Variants in ATXN8OS observed in about 807,000 individuals in gnomAD.
ATXN8OS encodes ATXN8 opposite strand lncRNA.
At chr13:70,140,618 G>A (rs575798428) in intron 3 of ATXN8OS, among the ~76,000 whole-genome samples, 1 of 151,172 alleles carries the variant, frequency 6.6e-6, no homozygotes, top group Non-Finnish European at 1.5e-5. Context: ...CTCATAGAAT[G>A]TCTTCACCCA....
intron 1 of ATXN8OS, among the ~76,000 whole-genome samples, chr13:70,112,618 G>C (rs934111132): frequency 6.6e-6 from 1 of 151,944 alleles, no homozygotes; most frequent in African/African-American, 2.4e-5. Flanking sequence ...ATCCCCAGGG[G>C]CCATTTTAAT....
chr13:70,138,086 C>A (rs1888643803), intron 3 of ATXN8OS, among the ~76,000 whole-genome samples: 1 of 152,192 alleles, frequency 6.6e-6, no homozygotes, highest in Non-Finnish European at 1.5e-5. Context: ...CACTTTCCAC[C>A]AAATCCCTCC....
intron 3 of ATXN8OS, among the ~76,000 whole-genome samples, chr13:70,142,360 A>G (rs1454500040): frequency 6.6e-6 from 1 of 152,198 alleles, no homozygotes; most frequent in East Asian, 1.9e-4. Context: ...ATTTGCATTT[A>G]AAATTGTTAT....
intron 4 of ATXN8OS, among the ~76,000 whole-genome samples, chr13:70,151,807 C>T (rs770850192): frequency 4.6e-5 from 7 of 152,112 alleles, no homozygotes; most frequent in East Asian, 1.9e-4. Flanking sequence ...AGAGTAATAA[C>T]GACCTGAATT....
chr13:70,161,588 C>T (rs1042772461), intron 4 of ATXN8OS, among the ~76,000 whole-genome samples: 4 of 152,004 alleles, frequency 2.6e-5, no homozygotes, highest in African/African-American at 9.7e-5. Flanking sequence ...CTTAACCCTG[C>T]TTTATTTTCC....
chr13:70,153,566 C>T (rs564094779), intron 4 of ATXN8OS, among the ~76,000 whole-genome samples: 2 of 152,106 alleles, frequency 1.3e-5, no homozygotes, highest in South Asian at 4.1e-4. Context: ...CAGTGAGAGA[C>T]TGCAAAAAAA....
At chr13:70,149,517 T>C (rs1392093315) in intron 4 of ATXN8OS, among the ~76,000 whole-genome samples, 1 of 152,116 alleles carries the variant, frequency 6.6e-6, no homozygotes, top group East Asian at 1.9e-4. Context: ...CCGAAGAAAC[T>C]GTTTCCTGGA....
intron 4 of ATXN8OS, among the ~76,000 whole-genome samples, chr13:70,165,891 G>A (rs1309727687): frequency 6.6e-6 from 1 of 151,958 alleles, no homozygotes; most frequent in South Asian, 2.1e-4. Context: ...ATGAATAATG[G>A]TGTCTGCAGT....
chr13:70,122,702 G>A (rs927879183), intron 2 of ATXN8OS, among the ~76,000 whole-genome samples: 5 of 151,908 alleles, frequency 3.3e-5, no homozygotes, highest in African/African-American at 4.8e-5. Context: ...TATGTAAAAC[G>A]TAATAGAATT....
intron 4 of ATXN8OS, among the ~76,000 whole-genome samples, chr13:70,147,999 G>A (rs1467496311): frequency 6.6e-6 from 1 of 152,146 alleles, no homozygotes; most frequent in East Asian, 1.9e-4. Flanking sequence ...ATTGGCAGTT[G>A]GTTGAAGGAG....
At chr13:70,131,247 ACTTCT>A (rs1298978550) in intron 3 of ATXN8OS, 1 of 396,564 alleles carries the variant, frequency 2.5e-6, no homozygotes, top group Non-Finnish European at 4.4e-6. Flanking sequence ...CAATTAATTT[ACTTCT>A]CTTCATTTCC....
intron 4 of ATXN8OS, among the ~76,000 whole-genome samples, chr13:70,159,035 T>C (rs961639917): frequency 5.3e-5 from 8 of 152,194 alleles, no homozygotes; most frequent in Non-Finnish European, 1.2e-4. Context: ...TATATATTTA[T>C]GCTTTATCCT....
At chr13:70,153,134 A>G (rs978134357) in intron 4 of ATXN8OS, among the ~76,000 whole-genome samples, 5 of 152,026 alleles carry the variant, frequency 3.3e-5, no homozygotes, top group African/African-American at 1.2e-4. Flanking sequence ...TTATGACAAT[A>G]TTTAAGTGAG....
intron 4 of ATXN8OS, among the ~76,000 whole-genome samples, chr13:70,150,637 A>C (rs1449773369): frequency 6.6e-6 from 1 of 152,050 alleles, no homozygotes; most frequent in African/African-American, 2.4e-5. Flanking sequence ...TTTGATGTAA[A>C]TACTCTAGTG....
intron 4 of ATXN8OS, among the ~76,000 whole-genome samples, chr13:70,165,097 A>G (rs1889063036): frequency 6.6e-6 from 1 of 152,012 alleles, no homozygotes; most frequent in Non-Finnish European, 1.5e-5. Flanking sequence ...GTGGCTTAAG[A>G]AAGAAATTAC....
Position 70,111,853 on chromosome 13 carries a change from A to G in ATXN8OS, n.241-3288A>G, listed in dbSNP as rs1888202371. Among the ~76,000 whole-genome samples the G allele has an allele frequency of 2.0e-5, 3 of 152,346 alleles. No homozygotes were observed. In the South Asian group the frequency reaches 6.2e-4, roughly 32 times the overall value. ...GAATGGCTAATTATGCTCAAATTTG[A>G]AAGTTCATGCCTTAAAATGGCTCCT... is the stretch of plus-strand genomic sequence containing the variant. On this transcript the variant is annotated intron_variant and non_coding_transcript_variant, in intron 1 of 4. Coordinates refer to ENST00000678624, the Ensembl canonical transcript of ATXN8OS.
exon 5 of ATXN8OS, among the ~76,000 whole-genome samples, chr13:70,170,795 G>C (rs796684254): frequency 6.6e-6 from 1 of 152,018 alleles, no homozygotes; most frequent in Admixed American, 6.6e-5. Context: ...GTCAGTGTGG[G>C]AACATCACAG....
chr13:70,135,104 AC>A (rs1203312183), intron 3 of ATXN8OS, among the ~76,000 whole-genome samples: 1 of 152,144 alleles, frequency 6.6e-6, no homozygotes, highest in Non-Finnish European at 1.5e-5. Flanking sequence ...CTGCAAGTCC[AC>A]CCAATCCACT....
chr13:70,151,441 C>A (rs2137499125), intron 4 of ATXN8OS, among the ~76,000 whole-genome samples: 1 of 152,110 alleles, frequency 6.6e-6, no homozygotes, highest in African/African-American at 2.4e-5. Context: ...CCAGGTTCAT[C>A]TATTTTTGCT....
Sources: gnomAD v4.1 joint callset for allele counts (sites outside exome capture counted in the v4.1 genomes callset) on GRCh38, gnomAD v4.1.1 for gene constraint, MANE v1.5 for transcripts, NCBI Gene and HGNC (gene_info 2026-07-23, HGNC 2026-07-21) for gene names.